The following DNAAF4 variants were observed in gnomAD, a reference collection of about 807,000 sequenced individuals.
DNAAF4 encodes the protein dynein axonemal assembly factor 4.
Under a neutral mutation model 51.8 loss-of-function variants are expected in DNAAF4, and 43 were observed. The ratio of observed to expected loss-of-function variants is 0.83; its 90% CI spans 0.65 to 1.07. DNAAF4 has a LOEUF of 1.07. Ranked by LOEUF, DNAAF4 falls within the 50% of genes least tolerant of loss-of-function variation. DNAAF4 has a pLI of 0.00. For synonymous variants in DNAAF4, 194 were observed against 165.6 expected (o/e 1.17, Z -1.32); for missense variants, 581 against 493.0 (o/e 1.18, Z -1.69).
At chr15:55,448,305 C>T (rs375943585) in intron 6 of DNAAF4, among the ~76,000 whole-genome samples, 36 of 152,062 alleles carry the variant, frequency 2.4e-4, no homozygotes, top group African/African-American at 6.5e-4. Context: ...CTGCTGCATT[C>T]GGTTTGCCAG....
At chr15:55,434,485 T>A (rs1222827575) in intron 8 of DNAAF4, among the ~76,000 whole-genome samples, 2 of 151,980 alleles carry the variant, frequency 1.3e-5, no homozygotes, top group African/African-American at 2.4e-5. Context: ...ATATTAGTAA[T>A]GGAAAGTAGA....
At position 55,466,952 on chromosome 15, in the gene DNAAF4, T is replaced by G. The variant is rs1047358700; in HGVS notation, c.615A>C (p.Ala205=). 6.3e-7 allele frequency: 1 copy of G among 1,583,978 alleles called. No homozygotes were observed. Among genetic ancestry groups the G allele is most frequent in the Non-Finnish European group, 8.5e-7 (1 of 1,172,914 alleles). ...TACCTTTTGGAGCAAGATTTCTAGATGCCAAATTTCTAGTAAGACTCTTAT... is the reference window on the plus strand; with the variant it reads ...TACCTTTTGGAGCAAGATTTCTAGAGGCCAAATTTCTAGTAAGACTCTTAT... ...IKYKSLTRNL[A]SRNLAPKGRN... The change falls in exon 5 of 10, where the codon GCA becomes GCC. Residue 205 remains alanine (A), a synonymous_variant. Coordinates refer to ENST00000321149, the MANE Select transcript of DNAAF4 (RefSeq NM_130810.4).
At chr15:55,432,364 C>T (rs898224690) in intron 9 of DNAAF4, 133 bp downstream of exon 9, 1 of 587,386 alleles carries the variant, frequency 1.7e-6, no homozygotes, top group Non-Finnish European at 2.9e-6. Context: ...ATACTGCAGA[C>T]ATTACTAAGA....
chr15:55,438,224 G>A (rs1041996325), intron 7 of DNAAF4, among the ~76,000 whole-genome samples: 1 of 151,878 alleles, frequency 6.6e-6, no homozygotes, highest in Non-Finnish European at 1.5e-5. Context: ...GGTGGCAGGC[G>A]CCTGTAATCC....
At position 55,481,486 on chromosome 15, in the gene DNAAF4, C is replaced by T. The variant is rs73411013; in HGVS notation, c.405+9637G>A. On this transcript the variant is annotated intron_variant, in intron 4 of 9. Transcript: ENST00000321149. ...TGTAACCAGATTTATTTCTTCTCACCTAGAGAACATTAAGCTTCAAATGAT... is the reference window on the plus strand; with the variant it reads ...TGTAACCAGATTTATTTCTTCTCACTTAGAGAACATTAAGCTTCAAATGAT... Among the ~76,000 whole-genome samples, 733 of 152,222 alleles carry T rather than the reference C, an allele frequency of 4.8e-3. 2 individuals are homozygous for T. The highest frequency in any genetic ancestry group is 0.017 in the African/African-American group (700 of 41,516).
At chr15:55,438,351 CAAA>C (rs35978344) in intron 7 of DNAAF4, among the ~76,000 whole-genome samples, 53 of 137,832 alleles carry the variant, frequency 3.8e-4, no homozygotes, top group Non-Finnish European at 4.2e-4. Context: ...GACTTTGTCT[CAAA>C]AAAAAAAAAA....
At chr15:55,431,490 T>C (rs943608005) in intron 9 of DNAAF4, among the ~76,000 whole-genome samples, 65 of 150,860 alleles carry the variant, frequency 4.3e-4, no homozygotes, top group Non-Finnish European at 7.1e-4. Flanking sequence ...TTTTTTTTTT[T>C]TGGAGACAGA....
chr15:55,423,110 GTAGT>G (rs574322914), intron 7 of DNAAF4, among the ~76,000 whole-genome samples: 1 of 151,284 alleles, frequency 6.6e-6, no homozygotes, highest in Non-Finnish European at 1.5e-5. Context: ...CTAATTTTAA[GTAGT>G]TTTGCTGCAC....
intron 4 of DNAAF4, among the ~76,000 whole-genome samples, chr15:55,485,776 C>T (rs755434571): frequency 6.6e-6 from 1 of 152,040 alleles, no homozygotes; most frequent in Non-Finnish European, 1.5e-5. Flanking sequence ...AGGCAAATCA[C>T]GAGGTCAGGA....
chr15:55,504,059 T>G (rs1016309901), intron 1 of DNAAF4, among the ~76,000 whole-genome samples: 2 of 152,182 alleles, frequency 1.3e-5, no homozygotes, highest in South Asian at 4.1e-4. Context: ...CTTAAGCTGA[T>G]AAGCAACTTC....
intron 6 of DNAAF4, among the ~76,000 whole-genome samples, chr15:55,445,023 T>C (rs896497319): frequency 7.4e-5 from 11 of 148,318 alleles, no homozygotes; most frequent in East Asian, 2.0e-4. Flanking sequence ...CTTTTCCTAA[T>C]TGAATACCCT....
At chr15:55,449,452 C>T (rs2057897166) in intron 6 of DNAAF4, among the ~76,000 whole-genome samples, 1 of 150,110 alleles carries the variant, frequency 6.7e-6, no homozygotes, top group African/African-American at 2.4e-5. Context: ...CGCCTGAGGT[C>T]AGGAGTTTGA....
At chr15:55,452,518 T>C (rs903508300) in intron 5 of DNAAF4, among the ~76,000 whole-genome samples, 7 of 152,100 alleles carry the variant, frequency 4.6e-5, no homozygotes, top group African/African-American at 1.4e-4. Flanking sequence ...TCCAAACTCA[T>C]ATATCTAATT....
intron 6 of DNAAF4, among the ~76,000 whole-genome samples, chr15:55,448,373 T>C (rs1184946611): frequency 6.6e-6 from 1 of 151,886 alleles, no homozygotes; most frequent in Non-Finnish European, 1.5e-5. Flanking sequence ...TAAAATTCTT[T>C]TATATTTTCA....
At chr15:55,504,383 G>A (rs1166617436) in intron 1 of DNAAF4, among the ~76,000 whole-genome samples, 1 of 152,050 alleles carries the variant, frequency 6.6e-6, no homozygotes, top group Non-Finnish European at 1.5e-5. Context: ...TCCCCAACAA[G>A]CTACCAATGA....
intron 4 of DNAAF4, among the ~76,000 whole-genome samples, chr15:55,477,191 A>G (rs916535369): frequency 9.9e-5 from 15 of 152,060 alleles, no homozygotes; most frequent in African/African-American, 3.6e-4. Flanking sequence ...ATAAAAAAAG[A>G]AAAGAGTTCT....
chr15:55,457,641 G>A (rs776449572), intron 5 of DNAAF4, among the ~76,000 whole-genome samples: 1 of 152,184 alleles, frequency 6.6e-6, no homozygotes, highest in African/African-American at 2.4e-5. Context: ...GAACAACCCT[G>A]CTCCAAAGAA....
At chr15:55,418,297 T>G in intron 7 of DNAAF4, 1 of 1,549,136 alleles carries the variant, frequency 6.5e-7, no homozygotes, top group Non-Finnish European at 8.7e-7. Flanking sequence ...GTGTGAACCC[T>G]GGCAATCCTG....
intron 5 of DNAAF4, among the ~76,000 whole-genome samples, chr15:55,466,361 C>A (rs1262014695): frequency 6.6e-6 from 1 of 152,020 alleles, no homozygotes; most frequent in Non-Finnish European, 1.5e-5. Flanking sequence ...GAGGCAGAGG[C>A]TGCAGTGAGC....
Sources: gnomAD v4.1 joint callset for allele counts (sites outside exome capture counted in the v4.1 genomes callset) on GRCh38, gnomAD v4.1.1 for gene constraint, MANE v1.5 for transcripts, NCBI Gene and HGNC (gene_info 2026-07-23, HGNC 2026-07-21) for gene names.